The following ATP9B variants were observed in gnomAD, a reference collection of about 807,000 sequenced individuals.
ATP9B encodes probable phospholipid-transporting ATPase IIB.
ATP9B carries 110 observed loss-of-function variants against 146.1 expected under a neutral mutation model. The ratio of observed to expected loss-of-function variants is 0.75; its 90% CI spans 0.65 to 0.88. The LOEUF (loss-of-function observed/expected upper bound fraction) is 0.88. Among genes scored for constraint, ATP9B ranks in the 40% least tolerant of loss-of-function variants. The probability of loss-of-function intolerance (pLI) is 0.00; values close to 1 mark genes in which losing one functional copy is unlikely to be tolerated. For synonymous variants in ATP9B, 604 were observed against 569.7 expected, an observed-to-expected ratio of 1.06 and a Z score of -0.86; for missense variants, 1,499 against 1,496.4, an observed-to-expected ratio of 1.00 and a Z score of -0.03.
At chr18:79,154,300 C>T (rs1180721365) in intron 6 of ATP9B, among the ~76,000 whole-genome samples, 1 of 151,844 alleles carries the variant, frequency 6.6e-6, no homozygotes, top group Non-Finnish European at 1.5e-5. Context: ...ATATGGCTCA[C>T]TTATGGGGAA....
intron 17 of ATP9B, among the ~76,000 whole-genome samples, chr18:79,335,367 C>T (rs1187879391): frequency 6.6e-6 from 1 of 152,240 alleles, no homozygotes; most frequent in African/African-American, 2.4e-5. Context: ...CACAGGTTTG[C>T]TCCTGCACCA....
intron 12 of ATP9B, among the ~76,000 whole-genome samples, chr18:79,265,560 T>C (rs766718251): frequency 3.0e-4 from 46 of 152,240 alleles, no homozygotes; most frequent in Non-Finnish European, 5.4e-4. Context: ...CTTGTAAATT[T>C]GTTTAAGTCC....
At chr18:79,125,511 G>T (rs1419229130) in intron 4 of ATP9B, among the ~76,000 whole-genome samples, 1 of 152,184 alleles carries the variant, frequency 6.6e-6, no homozygotes, top group African/African-American at 2.4e-5. Flanking sequence ...GCTTTCAGTG[G>T]ACATACATCC....
intron 15 of ATP9B, among the ~76,000 whole-genome samples, chr18:79,327,603 TG>T: frequency 1.4e-5 from 2 of 138,304 alleles, no homozygotes; most frequent in African/African-American, 2.8e-5. Flanking sequence ...GTGCCCTCCG[TG>T]GTTAGCGTGC....
chr18:79,215,674 T>C (rs1055053537), intron 11 of ATP9B, among the ~76,000 whole-genome samples: 1 of 152,060 alleles, frequency 6.6e-6, no homozygotes, highest in Non-Finnish European at 1.5e-5. Context: ...GTTATTTTTT[T>C]CATGTGAGCA....
In ATP9B at chr18:79,365,799, T is replaced by C. The variant is rs2097024045; in HGVS notation, c.3012+6337T>C. ...CATGCGTGGATGGAGGACAACTCCG[T>C]GGACGGGGACAGCCCGTGTGTGATG... is the stretch of plus-strand genomic sequence containing the variant. On this transcript the variant is annotated intron_variant, in intron 26 of 29. Transcript: ENST00000426216. 3.3e-5 allele frequency among the ~76,000 whole-genome samples: 5 copies of C among 149,414 alleles called. No individual in the cohort carries two copies. In the South Asian group the frequency reaches 1.1e-3, roughly 31 times the overall value.
At chr18:79,296,840 G>C (rs945133822) in intron 13 of ATP9B, among the ~76,000 whole-genome samples, 1 of 152,212 alleles carries the variant, frequency 6.6e-6, no homozygotes, top group Non-Finnish European at 1.5e-5. Flanking sequence ...CTGCAGTAGG[G>C]GAGATGCACG....
chr18:79,134,377 C>A (rs2147290053), intron 5 of ATP9B, among the ~76,000 whole-genome samples: 1 of 152,340 alleles, frequency 6.6e-6, no homozygotes, highest in South Asian at 2.1e-4. Context: ...CTGTACCTCC[C>A]TGTGGGGAGT....
intron 26 of ATP9B, chr18:79,363,514 A>ATGGATTGAGAGGCGTAAACTGATGTTCC (rs2097004175): frequency 6.7e-6 from 1 of 149,958 alleles, no homozygotes; most frequent in Non-Finnish European, 1.5e-5. Context: ...ACAGATGTTC[A>ATGGATTGAGAGGCGTAAACTGATGTTCC]TGGATTGAGA....
At chr18:79,270,453 T>C (rs936797118) in intron 12 of ATP9B, among the ~76,000 whole-genome samples, 6 of 152,198 alleles carry the variant, frequency 3.9e-5, no homozygotes. Context: ...CCAATACATA[T>C]TTAAACCTTG....
chr18:79,124,332 C>T lies in ATP9B; in HGVS notation c.559-1935C>T, dbSNP rs143466034. Among the ~76,000 whole-genome samples, 470 of 152,276 alleles carry T rather than the reference C, an allele frequency of 3.1e-3. 12 individuals carry two copies. The highest frequency in any genetic ancestry group is 0.028 in the Admixed American group (425 of 15,300). ...TACATTTATAGTGTTAATTTTATGG[C>T]ATGTGAATTATATATCAACAAAGCT... On this transcript the variant is annotated intron_variant, in intron 4 of 29. Transcript: ENST00000426216.
At chr18:79,228,522 G>A (rs1197887055) in intron 11 of ATP9B, among the ~76,000 whole-genome samples, 1 of 152,058 alleles carries the variant, frequency 6.6e-6, no homozygotes, top group African/African-American at 2.4e-5. Context: ...TCATTGGTTG[G>A]GGATTAGAAA....
chr18:79,256,817 C>T (rs2145187226), intron 12 of ATP9B, among the ~76,000 whole-genome samples: 1 of 152,316 alleles, frequency 6.6e-6, no homozygotes, highest in Middle Eastern at 3.4e-3. Flanking sequence ...CCGCAGCCTT[C>T]TTGGCATTAC....
At chr18:79,165,598 T>C (rs1437648922) in intron 7 of ATP9B, among the ~76,000 whole-genome samples, 2 of 152,226 alleles carry the variant, frequency 1.3e-5, no homozygotes, top group East Asian at 3.8e-4. Flanking sequence ...TGTTTTAATA[T>C]TTTTCGAGAC....
intron 26 of ATP9B, among the ~76,000 whole-genome samples, chr18:79,365,925 A>G (rs576668154): frequency 1.3e-5 from 2 of 150,346 alleles, no homozygotes; most frequent in African/African-American, 5.0e-5. Context: ...CTCCGTGGAC[A>G]GGGACAGCCT....
chr18:79,203,349 C>T (rs1368463673), intron 9 of ATP9B, among the ~76,000 whole-genome samples: 10 of 127,216 alleles, frequency 7.9e-5, no homozygotes, highest in African/African-American at 1.5e-4. Flanking sequence ...AGCAGGCACC[C>T]GATACTTCGT....
intron 9 of ATP9B, among the ~76,000 whole-genome samples, chr18:79,196,834 G>A (rs1022862775): frequency 1.3e-5 from 2 of 152,080 alleles, no homozygotes; most frequent in Admixed American, 6.5e-5. Flanking sequence ...GTATAGAATC[G>A]AGAAAGCATT....
intron 12 of ATP9B, among the ~76,000 whole-genome samples, chr18:79,262,773 C>A (rs1423200134): frequency 6.6e-6 from 1 of 152,164 alleles, no homozygotes; most frequent in Non-Finnish European, 1.5e-5. Flanking sequence ...ACTTAGCACC[C>A]GTATCTTCAC....
intron 9 of ATP9B, among the ~76,000 whole-genome samples, chr18:79,200,783 A>AGAGGCGGAG (rs1568389112): frequency 3.5e-4 from 4 of 11,510 alleles, no homozygotes; most frequent in Admixed American, 7.9e-4. Flanking sequence ...GAGCAGAAGT[A>AGAGGCGGAG]GTGGTGGAAT....
Sources: gnomAD v4.1 joint callset for allele counts (sites outside exome capture counted in the v4.1 genomes callset) on GRCh38, gnomAD v4.1.1 for gene constraint, MANE v1.5 for transcripts, NCBI Gene and HGNC (gene_info 2026-07-23, HGNC 2026-07-21) for gene names.